BMAL1: variants seen among roughly 807,000 people sequenced by gnomAD.
BMAL1 encodes the protein basic helix-loop-helix ARNT like 1.
chr11:13,311,957 T>A, the BMAL1 span, among the ~76,000 whole-genome samples: 1 of 152,214 alleles, frequency 6.6e-6, no homozygotes, highest in Non-Finnish European at 1.5e-5. Context: ...TATGGGGACT[T>A]GAGGATAATT....
At chr11:13,356,598 T>C in the BMAL1 span, 4 of 916,788 alleles carry the variant, frequency 4.4e-6, no homozygotes, top group East Asian at 1.0e-4. Flanking sequence ...ACCCTTATTA[T>C]ACATCATTAA....
chr11:13,377,494 G>A, the BMAL1 span, among the ~76,000 whole-genome samples: 1 of 152,108 alleles, frequency 6.6e-6, no homozygotes, highest in Non-Finnish European at 1.5e-5. Flanking sequence ...CTCATCTGCT[G>A]CCTGGATTAT....
chr11:13,284,140 ATATGTGTATATATATATATG>A, the BMAL1 span, among the ~76,000 whole-genome samples: 5 of 49,632 alleles, frequency 1.0e-4, no homozygotes, highest in Admixed American at 2.7e-4. Flanking sequence ...ATATATATAT[ATATGTGTATATATATATATG>A]TGTGTATATA....
chr11:13,288,427 T>TCTTTCTTTCTTTCTTTCTTTCTTC, the BMAL1 span, among the ~76,000 whole-genome samples: 5 of 66,108 alleles, frequency 7.6e-5, no homozygotes, highest in African/African-American at 2.6e-4. Context: ...TTTTTTTCTT[T>TCTTTCTTTCTTTCTTTCTTTCTTC]TTTTTTTTTT....
chr11:13,338,250 T>G, the BMAL1 span, among the ~76,000 whole-genome samples: 1 of 152,196 alleles, frequency 6.6e-6, no homozygotes, highest in African/African-American at 2.4e-5. Context: ...CAAGCCGATT[T>G]CATTTTCATT....
the BMAL1 span, among the ~76,000 whole-genome samples, chr11:13,327,609 A>G: frequency 6.6e-6 from 1 of 152,154 alleles, no homozygotes; most frequent in Admixed American, 6.5e-5. Flanking sequence ...TCATTGACTG[A>G]ACAGTTTCCG....
chr11:13,332,973 T>C, the BMAL1 span, among the ~76,000 whole-genome samples: 1 of 151,800 alleles, frequency 6.6e-6, no homozygotes, highest in African/African-American at 2.4e-5. Flanking sequence ...TTTTTTTTTT[T>C]TTTTTCTTTG....
the BMAL1 span, among the ~76,000 whole-genome samples, chr11:13,284,252 ATATATATATATATATTT>A: frequency 2.3e-4 from 7 of 30,510 alleles, no homozygotes; most frequent in African/African-American, 8.7e-4. Context: ...ATATATATAT[ATATATATATATATATTT>A]TTTTTTTTAA....
the BMAL1 span, among the ~76,000 whole-genome samples, chr11:13,281,142 G>A: frequency 8.5e-5 from 13 of 152,104 alleles, no homozygotes; most frequent in Admixed American, 6.5e-4. Flanking sequence ...ACCTCTACCC[G>A]GGTCCTATCA....
the BMAL1 span, among the ~76,000 whole-genome samples, chr11:13,311,986 T>C: frequency 1.7e-4 from 26 of 152,340 alleles, no homozygotes; most frequent in African/African-American, 6.3e-4. Context: ...CATGATTTAA[T>C]TATGTATCAA....
the BMAL1 span, chr11:13,356,377 G>GT: frequency 2.1e-6 from 1 of 483,270 alleles, no homozygotes; most frequent in Admixed American, 2.4e-5. Flanking sequence ...CAGAATGATG[G>GT]GGGGGGAGAA....
chr11:13,382,320 CT>C, the BMAL1 span, among the ~76,000 whole-genome samples: 1 of 152,210 alleles, frequency 6.6e-6, no homozygotes, highest in South Asian at 2.1e-4. Flanking sequence ...GAAGCTTGGC[CT>C]TGCCATGTGC....
the BMAL1 span, among the ~76,000 whole-genome samples, chr11:13,318,369 T>A: frequency 6.6e-6 from 1 of 152,164 alleles, no homozygotes; most frequent in African/African-American, 2.4e-5. Flanking sequence ...TCTGTGGGAT[T>A]TCCTCATTAA....
At chr11:13,287,061 A>G in the BMAL1 span, among the ~76,000 whole-genome samples, 1 of 152,278 alleles carries the variant, frequency 6.6e-6, no homozygotes, top group East Asian at 1.9e-4. Flanking sequence ...GCAGTGGTGA[A>G]AAGTACCTGA....
the BMAL1 span, among the ~76,000 whole-genome samples, chr11:13,284,264 A>ATTTT: frequency 2.9e-5 from 1 of 34,828 alleles, no homozygotes; most frequent in South Asian, 9.4e-4. Context: ...ATATATATAT[A>ATTTT]TATTTTTTTT....
the BMAL1 span, chr11:13,385,641 G>A: frequency 1.4e-6 from 2 of 1,434,850 alleles, no homozygotes; most frequent in East Asian, 2.3e-5. Flanking sequence ...TTTTGGCATT[G>A]CTCATAATAC....
chr11:13,381,064 A>T, the BMAL1 span: 1 of 1,282,714 alleles, frequency 7.8e-7, no homozygotes, highest in South Asian at 1.2e-5. Context: ...CCAAACCCTA[A>T]TCTAGATCTT....
chr11:13,304,176 G>T, the BMAL1 span, among the ~76,000 whole-genome samples: 2 of 152,194 alleles, frequency 1.3e-5, no homozygotes, highest in Admixed American at 6.5e-5. Context: ...TGGCTGCTGT[G>T]TTGAGAGTGG....
the BMAL1 span, among the ~76,000 whole-genome samples, chr11:13,377,426 C>T: frequency 3.3e-5 from 5 of 152,212 alleles, no homozygotes; most frequent in South Asian, 2.1e-4. Flanking sequence ...TATCTAAACA[C>T]GGAGTCCTGA....
Sources: gnomAD v4.1 joint callset for allele counts (sites outside exome capture counted in the v4.1 genomes callset) on GRCh38, gnomAD v4.1.1 for gene constraint, MANE v1.5 for transcripts, NCBI Gene and HGNC (gene_info 2026-07-23, HGNC 2026-07-21) for gene names.